NXPE2: variants seen among roughly 807,000 people sequenced by gnomAD.
NXPE2 encodes the protein neurexophilin and PC-esterase domain family member 2, also known as NXPE family member 2.
Under a neutral mutation model 34.4 loss-of-function variants are expected in NXPE2, and 34 were observed. The observed-to-expected ratio is 0.99, with a 90% CI of 0.75 to 1.31. NXPE2 has a LOEUF of 1.31. Among genes scored for constraint, NXPE2 ranks in the 40% most tolerant of loss-of-function variants. The pLI is 0.00. For missense variants in NXPE2, 649 were observed against 672.5 expected (o/e 0.97, Z 0.39); for synonymous variants, 235 against 231.3 (o/e 1.02, Z -0.15).
the NXPE2 span, among the ~76,000 whole-genome samples, chr11:114,482,384 C>T: frequency 6.6e-6 from 1 of 152,170 alleles, no homozygotes; most frequent in Non-Finnish European, 1.5e-5. Flanking sequence ...CTAGAACTAT[C>T]TGTTCAGTCT....
the NXPE2 span, among the ~76,000 whole-genome samples, chr11:114,533,060 C>T: frequency 6.6e-6 from 1 of 152,014 alleles, no homozygotes; most frequent in Non-Finnish European, 1.5e-5. Flanking sequence ...AATTAATGTT[C>T]AACATAACGT....
the NXPE2 span, among the ~76,000 whole-genome samples, chr11:114,772,377 T>TA: frequency 2.7e-5 from 4 of 149,188 alleles, no homozygotes; most frequent in East Asian, 2.0e-4. Flanking sequence ...CTTAGGGGAT[T>TA]AAAAAAAAAA....
chr11:114,644,073 T>A, the NXPE2 span, among the ~76,000 whole-genome samples: 1 of 152,296 alleles, frequency 6.6e-6, no homozygotes, highest in Non-Finnish European at 1.5e-5. Flanking sequence ...TATTGGTGTA[T>A]AAGAATGCTT....
chr11:114,657,264 A>C, the NXPE2 span, among the ~76,000 whole-genome samples: 1 of 152,146 alleles, frequency 6.6e-6, no homozygotes, highest in Non-Finnish European at 1.5e-5. Context: ...TGTTTTTAGC[A>C]CAGAGGTTCT....
chr11:114,809,921 C>T, the NXPE2 span, among the ~76,000 whole-genome samples: 748 of 144,102 alleles, frequency 5.2e-3, 7 homozygotes, highest in African/African-American at 0.014. Context: ...GGAGGCATCA[C>T]ACTACCTGAC....
At chr11:114,592,397 A>T in the NXPE2 span, among the ~76,000 whole-genome samples, 3 of 152,132 alleles carry the variant, frequency 2.0e-5, no homozygotes, top group Non-Finnish European at 2.9e-5. Context: ...ACCTGAAAAA[A>T]TATCAAAAAA....
At chr11:114,794,593 A>G in the NXPE2 span, among the ~76,000 whole-genome samples, 2 of 152,190 alleles carry the variant, frequency 1.3e-5, no homozygotes. Flanking sequence ...CAGGTATCAG[A>G]TGAAACATAG....
chr11:114,722,362 G>A, the NXPE2 span, among the ~76,000 whole-genome samples: 2 of 151,422 alleles, frequency 1.3e-5, no homozygotes, highest in Non-Finnish European at 2.9e-5. Context: ...CACCATGACA[G>A]TAAGTATCCT....
chr11:114,663,634 T>TGTC, the NXPE2 span, among the ~76,000 whole-genome samples: 1 of 57,492 alleles, frequency 1.7e-5, no homozygotes, highest in Non-Finnish European at 4.1e-5. Flanking sequence ...TCTATCTATC[T>TGTC]ATCATCTATC....
the NXPE2 span, among the ~76,000 whole-genome samples, chr11:114,637,461 A>G: frequency 1.3e-5 from 2 of 151,838 alleles, no homozygotes; most frequent in South Asian, 4.2e-4. Context: ...TAGTCCATTT[A>G]CATTTAAAGT....
chr11:114,738,456 G>C, the NXPE2 span, among the ~76,000 whole-genome samples: 1 of 152,098 alleles, frequency 6.6e-6, no homozygotes, highest in Non-Finnish European at 1.5e-5. Context: ...CATAATTCTT[G>C]TCCATTCTTT....
chr11:114,586,850 G>A, the NXPE2 span, among the ~76,000 whole-genome samples: 4 of 152,150 alleles, frequency 2.6e-5, no homozygotes, highest in East Asian at 3.9e-4. Context: ...TTTACAGTTC[G>A]GTGAAGTAAT....
the NXPE2 span, among the ~76,000 whole-genome samples, chr11:114,577,907 T>C: frequency 1.3e-5 from 2 of 152,206 alleles, no homozygotes; most frequent in African/African-American, 4.8e-5. Flanking sequence ...TAATAAGTAT[T>C]ACTAGTCATT....
the NXPE2 span, among the ~76,000 whole-genome samples, chr11:114,548,085 A>T: frequency 6.6e-5 from 10 of 152,318 alleles, no homozygotes; most frequent in African/African-American, 2.4e-4. Context: ...TAACCAAAAA[A>T]GTATTAAGAG....
At chr11:114,519,336 T>C in the NXPE2 span, among the ~76,000 whole-genome samples, 45 of 152,320 alleles carry the variant, frequency 3.0e-4, no homozygotes, top group African/African-American at 1.0e-3. Context: ...TTAACACTTA[T>C]TCCTGGTTGT....
the NXPE2 span, among the ~76,000 whole-genome samples, chr11:114,718,942 A>G: frequency 6.6e-6 from 1 of 152,126 alleles, no homozygotes; most frequent in Non-Finnish European, 1.5e-5. Flanking sequence ...AGAGTTAATC[A>G]TTTCTGTTTT....
the NXPE2 span, among the ~76,000 whole-genome samples, chr11:114,725,977 AT>A: frequency 1.0e-4 from 2 of 19,408 alleles, no homozygotes; most frequent in African/African-American, 2.2e-4. Flanking sequence ...TAAAAAAAAA[AT>A]ATATATATAT....
the NXPE2 span, chr11:114,513,461 A>G: frequency 1.7e-4 from 39 of 233,072 alleles, no homozygotes; most frequent in African/African-American, 7.1e-4. Flanking sequence ...CCTCACCAAA[A>G]CTGAAATGGC....
chr11:114,764,364 C>T, the NXPE2 span, among the ~76,000 whole-genome samples: 1 of 151,676 alleles, frequency 6.6e-6, no homozygotes, highest in Admixed American at 6.6e-5. Context: ...CTTAAAGATA[C>T]ATGCTGAAAT....
Sources: gnomAD v4.1 joint callset for allele counts (sites outside exome capture counted in the v4.1 genomes callset) on GRCh38, gnomAD v4.1.1 for gene constraint, MANE v1.5 for transcripts, NCBI Gene and HGNC (gene_info 2026-07-23, HGNC 2026-07-21) for gene names.